The following SLC9A4 variants were observed in gnomAD, a reference collection of about 807,000 sequenced individuals.
SLC9A4 encodes sodium/hydrogen exchanger 4.
A neutral mutation model predicts 67.4 loss-of-function variants in SLC9A4; 63 were observed. The ratio of observed to expected loss-of-function variants is 0.93; its 90% CI spans 0.76 to 1.15. SLC9A4 has a LOEUF of 1.15. SLC9A4 is among the 50% of genes most tolerant of loss of function. The probability of loss-of-function intolerance (pLI) is 0.00; values close to 1 mark genes in which losing one functional copy is unlikely to be tolerated. For missense variants in SLC9A4, 1,089 were observed against 987.7 expected, an observed-to-expected ratio of 1.10 and a Z score of -1.38; for synonymous variants, 393 against 367.2, an observed-to-expected ratio of 1.07 and a Z score of -0.80.
chr2:102,517,081 G>A (rs916620628), intron 8 of SLC9A4, among the ~76,000 whole-genome samples: 2 of 152,142 alleles, frequency 1.3e-5, no homozygotes, highest in African/African-American at 4.8e-5. Context: ...TAGGATGCAG[G>A]TTCTGATGCC....
intron 8 of SLC9A4, among the ~76,000 whole-genome samples, chr2:102,516,036 G>A (rs963426832): frequency 6.6e-6 from 1 of 152,204 alleles, no homozygotes; most frequent in Non-Finnish European, 1.5e-5. Context: ...CTTGGTTTCG[G>A]AAGGTATGGG....
chr2:102,478,740 C>T, intron 1 of SLC9A4, 99 bp from the exon 2 acceptor site: 2 of 1,188,210 alleles, frequency 1.7e-6, no homozygotes, highest in Non-Finnish European at 2.3e-6. Flanking sequence ...AGATGCCAGT[C>T]AGCTTGTCCA....
intron 6 of SLC9A4, among the ~76,000 whole-genome samples, chr2:102,510,266 C>CAGATATAGATAT (rs1199533333): frequency 8.6e-4 from 59 of 68,606 alleles, no homozygotes; most frequent in Admixed American, 2.0e-3. Flanking sequence ...GATACAGATA[C>CAGATATAGATAT]AGATACAGAT....
chr2:102,515,899 T>A (rs946218216), intron 8 of SLC9A4, among the ~76,000 whole-genome samples: 3 of 152,038 alleles, frequency 2.0e-5, no homozygotes, highest in African/African-American at 7.2e-5. Flanking sequence ...ACAAACATAA[T>A]CATAAAGAAT....
chr2:102,500,651 G>A (rs1684911192), intron 2 of SLC9A4, among the ~76,000 whole-genome samples: 2 of 152,260 alleles, frequency 1.3e-5, no homozygotes, highest in Admixed American at 6.5e-5. Flanking sequence ...CAAGCCCAGG[G>A]CCACTCTGTA....
intron 4 of SLC9A4, among the ~76,000 whole-genome samples, chr2:102,505,967 G>A (rs1685041870): frequency 2.0e-5 from 3 of 152,248 alleles, no homozygotes; most frequent in Middle Eastern, 6.8e-3. Flanking sequence ...TTCTATGGAA[G>A]ACAAATACTG....
intron 8 of SLC9A4, among the ~76,000 whole-genome samples, chr2:102,515,093 T>A (rs1249228958): frequency 6.6e-6 from 1 of 152,078 alleles, no homozygotes; most frequent in Non-Finnish European, 1.5e-5. Context: ...ACTGATTTAT[T>A]GGGAAAATTA....
At chr2:102,524,997 G>A (rs373463352) in intron 9 of SLC9A4, 27 bp from the exon 10 acceptor site, 45 of 1,612,878 alleles carry the variant, frequency 2.8e-5, no homozygotes, top group African/African-American at 1.9e-4. Context: ...GAGTCCTTAC[G>A]TATTTGACAT....
chr2:102,525,369 G>T (rs1674640869), intron 10 of SLC9A4, among the ~76,000 whole-genome samples: 1 of 151,906 alleles, frequency 6.6e-6, no homozygotes, highest in South Asian at 2.1e-4. Context: ...TGCCCATAGG[G>T]TGCTTCCCTC....
At chr2:102,525,365 T>C (rs1256617746) in intron 10 of SLC9A4, among the ~76,000 whole-genome samples, 3 of 151,900 alleles carry the variant, frequency 2.0e-5, no homozygotes, top group Non-Finnish European at 4.4e-5. Flanking sequence ...CATCTGCCCA[T>C]AGGGTGCTTC....
In SLC9A4 at chr2:102,488,014, T is replaced by C. The variant is rs188078924; in HGVS notation, c.720+8712T>C. On this transcript the variant is annotated intron_variant, in intron 2 of 11. Coordinates refer to ENST00000295269, the MANE Select transcript of SLC9A4 (RefSeq NM_001011552.4). ...GTTTGTAGATTATTCCTTTTAACCA[T>C]GGACCTGCTTGTTCTGTATTTTATT... 7.5e-4 allele frequency among the ~76,000 whole-genome samples: 114 copies of C among 152,348 alleles called. 1 individual carries two copies. Among genetic ancestry groups the C allele is most frequent in the African/African-American group, 2.6e-3 (109 of 41,582 alleles).
At chr2:102,519,307 T>G (rs1343516592) in intron 8 of SLC9A4, among the ~76,000 whole-genome samples, 1 of 152,198 alleles carries the variant, frequency 6.6e-6, no homozygotes, top group African/African-American at 2.4e-5. Flanking sequence ...CAGATACAAT[T>G]CCAATATAAA....
rs149065231 is a variant in SLC9A4 at position 102,492,424 on chromosome 2, C to T, written c.721-11024C>T. Among the ~76,000 whole-genome samples the T allele has an allele frequency of 8.3e-3, 1,258 of 152,352 alleles. 39 individuals carry two copies. Among genetic ancestry groups the T allele is most frequent in the Admixed American group, 0.057 (877 of 15,310 alleles). On this transcript the variant is annotated intron_variant, in intron 2 of 11. Transcript: ENST00000295269. The stretch of plus-strand genomic sequence containing the variant: ...GAAATCTAGGCAGAGGTTCCCAAAC[C>T]TCAATTCTTGACTTCTGTGCACCCA...
chr2:102,507,615 G>T (rs547614850), intron 4 of SLC9A4, among the ~76,000 whole-genome samples: 1 of 151,904 alleles, frequency 6.6e-6, no homozygotes, highest in East Asian at 1.9e-4. Context: ...TAGAGACCAC[G>T]GTCTCTAAGA....
intron 2 of SLC9A4, among the ~76,000 whole-genome samples, chr2:102,501,042 C>CT (rs1684919037): frequency 1.8e-5 from 1 of 56,378 alleles, no homozygotes. Flanking sequence ...TCACGGCAAC[C>CT]TCGCCTCTCG....
At chr2:102,516,564 C>T (rs1209530145) in intron 8 of SLC9A4, among the ~76,000 whole-genome samples, 4 of 152,134 alleles carry the variant, frequency 2.6e-5, no homozygotes, top group Non-Finnish European at 5.9e-5. Context: ...AGCAATTGTT[C>T]TACAAAAGGT....
intron 4 of SLC9A4, chr2:102,505,705 CT>C (rs1258039741): frequency 3.6e-4 from 157 of 432,436 alleles, no homozygotes; most frequent in South Asian, 6.1e-4. Flanking sequence ...GCAAGGAGTA[CT>C]TTTTTTTAAT....
At chr2:102,517,757 T>C (rs947620761) in intron 8 of SLC9A4, among the ~76,000 whole-genome samples, 3 of 152,246 alleles carry the variant, frequency 2.0e-5, no homozygotes, top group Non-Finnish European at 4.4e-5. Flanking sequence ...AGAAGAGTTA[T>C]GGGAAAGATG....
At chr2:102,494,584 T>G (rs1251582252) in intron 2 of SLC9A4, among the ~76,000 whole-genome samples, 2 of 152,224 alleles carry the variant, frequency 1.3e-5, no homozygotes, top group East Asian at 3.9e-4. Context: ...TATATTCTAT[T>G]TATAAGAAAT....
Sources: allele counts gnomAD v4.1 joint callset (sites outside exome capture counted in the v4.1 genomes callset), GRCh38; gene constraint gnomAD v4.1.1; transcripts MANE v1.5; gene names NCBI Gene and HGNC (gene_info 2026-07-23, HGNC 2026-07-21).